The following RYR3 variants were observed in gnomAD, a reference collection of about 807,000 sequenced individuals.
RYR3 encodes the protein brain ryanodine receptor-calcium release channel.
A neutral mutation model predicts 584.3 loss-of-function variants in RYR3; 207 were observed. The ratio of observed to expected loss-of-function variants is 0.35; its 90% CI spans 0.32 to 0.40. The LOEUF (loss-of-function observed/expected upper bound fraction) is 0.40, where lower values mean the gene tolerates loss of function less well. Ranked by LOEUF, RYR3 falls within the 10% of genes least tolerant of loss-of-function variation. RYR3 has a pLI of 1.00. For missense variants in RYR3, 5,616 were observed against 6,089.2 expected (o/e 0.92, Z 2.59); for synonymous variants, 2,416 against 2,248.5 (o/e 1.07, Z -2.11).
At chr15:33,826,369 A>G in intron 83 of RYR3, 100 bp downstream of exon 83, 2 of 1,235,458 alleles carry the variant, frequency 1.6e-6, no homozygotes, top group Non-Finnish European at 2.4e-6. Flanking sequence ...TGGTAGTTGC[A>G]TGTTGAGTTG....
intron 19 of RYR3, among the ~76,000 whole-genome samples, chr15:33,619,066 C>T (rs891150019): frequency 1.3e-5 from 2 of 152,180 alleles, no homozygotes; most frequent in African/African-American, 4.8e-5. Flanking sequence ...CCAGGCAGCT[C>T]TTACTGAAGC....
At chr15:33,652,920 C>G (rs1028127157) in intron 32 of RYR3, 37 bp downstream of exon 32, 23 of 1,573,588 alleles carry the variant, frequency 1.5e-5, no homozygotes, top group Non-Finnish European at 1.6e-5. Flanking sequence ...AGGGCTATCC[C>G]AGGCCTGGTG....
intron 69 of RYR3, among the ~76,000 whole-genome samples, chr15:33,806,758 CTT>C (rs10713428): frequency 3.8e-4 from 54 of 143,120 alleles, no homozygotes; most frequent in Admixed American, 4.2e-4. Context: ...TTCTTTTTTC[CTT>C]TTTTTTTTTT....
At chr15:33,715,089 G>A (rs2067397597) in intron 43 of RYR3, among the ~76,000 whole-genome samples, 1 of 152,186 alleles carries the variant, frequency 6.6e-6, no homozygotes. Flanking sequence ...AGTCCTAAAG[G>A]GAGAGCATAT....
At chr15:33,698,247 A>G (rs2066003298) in intron 40 of RYR3, among the ~76,000 whole-genome samples, 1 of 152,192 alleles carries the variant, frequency 6.6e-6, no homozygotes, top group Admixed American at 6.5e-5. Context: ...TGCTAAGTTT[A>G]CTTCCCGTAT....
chr15:33,689,355 T>G (rs146696522), intron 38 of RYR3, among the ~76,000 whole-genome samples: 1,981 of 152,004 alleles, frequency 0.013, 40 homozygotes, highest in African/African-American at 0.046. Context: ...ATGTACCCTA[T>G]AACTTAAATT....
intron 1 of RYR3, among the ~76,000 whole-genome samples, chr15:33,454,134 G>A (rs1430688671): frequency 1.3e-5 from 2 of 152,180 alleles, no homozygotes; most frequent in Non-Finnish European, 2.9e-5. Flanking sequence ...ACAAAGTTTT[G>A]CGAAGATGCT....
intron 12 of RYR3, among the ~76,000 whole-genome samples, chr15:33,572,671 A>ACG (rs2058091594): frequency 7.3e-6 from 1 of 137,188 alleles, no homozygotes; most frequent in Non-Finnish European, 1.6e-5. Flanking sequence ...ACACACACAC[A>ACG]CACACACACA....
rs2073786159 is a variant in RYR3, at chr15:33,773,684, TTAA to T, written c.9137+71_9137+73del. The T allele has an allele frequency of 2.3e-5, 23 of 1,002,062 alleles. No homozygotes were observed. The South Asian group carries it at 3.2e-4, about 14-fold the overall frequency. 62.1% of individuals were successfully genotyped at this position (1,002,062 alleles called of 1,614,324 possible). A position where few individuals can be genotyped will look rare whatever the true frequency, so the allele number is the denominator to read the frequency against. On this transcript the variant is annotated intron_variant, in intron 64 of 103. Coordinates refer to ENST00000634891, the MANE Select transcript of RYR3 (RefSeq NM_001036.6). The stretch of plus-strand genomic sequence containing the variant: ...ATGTTACTTACAGCCTTTTACACAC[TTAA>T]TGATATCATTTCAATCCAGCAAGAC...
At chr15:33,706,524 A>G (rs1229517765) in intron 42 of RYR3, among the ~76,000 whole-genome samples, 1 of 152,188 alleles carries the variant, frequency 6.6e-6, no homozygotes, top group South Asian at 2.1e-4. Context: ...TCACTTAGCG[A>G]ATGTCCTCAA....
intron 67 of RYR3, among the ~76,000 whole-genome samples, chr15:33,796,283 C>T (rs529352490): frequency 8.5e-5 from 13 of 152,156 alleles, no homozygotes; most frequent in African/African-American, 2.9e-4. Flanking sequence ...TACAGGCATG[C>T]GCCACTACGC....
Position 33,682,694 on chromosome 15 carries a change from T to C in RYR3, c.5860+12138T>C, listed in dbSNP as rs191532800. On this transcript the variant is annotated intron_variant, in intron 38 of 103. Coordinates refer to ENST00000634891, the MANE Select transcript of RYR3 (RefSeq NM_001036.6). Reference sequence around the variant, plus strand: ...ATGTGCCTGGCAACATATTTTTCTTTCTTGTCCCTTTTTGAAAAGAACAGT... The same window carrying C: ...ATGTGCCTGGCAACATATTTTTCTTCCTTGTCCCTTTTTGAAAAGAACAGT... 1.8e-3 allele frequency among the ~76,000 whole-genome samples: 279 copies of C among 152,330 alleles called. 2 individuals carry two copies. The highest frequency in any genetic ancestry group is 6.4e-3 in the African/African-American group (266 of 41,568).
chr15:33,534,614 TAAAG>T (rs967760742), intron 5 of RYR3, among the ~76,000 whole-genome samples: 1 of 152,040 alleles, frequency 6.6e-6, no homozygotes, highest in African/African-American at 2.4e-5. Context: ...AAACCAAAAA[TAAAG>T]AACCGAGGAC....
intron 1 of RYR3, among the ~76,000 whole-genome samples, chr15:33,350,061 G>T (rs1973039800): frequency 6.6e-6 from 1 of 151,960 alleles, no homozygotes; most frequent in East Asian, 1.9e-4. Context: ...ACATACGTGT[G>T]CATGTGTCTT....
At chr15:33,849,777 A>C (rs565070629) in intron 94 of RYR3, 35 of 152,360 alleles carry the variant, frequency 2.3e-4, no homozygotes, top group Admixed American at 2.2e-3. Context: ...GCAAACTGAG[A>C]AGCAGCTCTG....
At position 33,548,171 on chromosome 15, in the gene RYR3, G is replaced by C. The variant is rs746256497; in HGVS notation, c.782G>C (p.Arg261Thr). 1 of 1,612,704 alleles carries C rather than the reference G, an allele frequency of 6.2e-7. No individual in the cohort carries two copies. Residue 261 changes from arginine (R) to threonine (T), a missense_variant, in exon 9 of 104, where the codon AGG becomes ACG. Physicochemically the swap from Arg to Thr is moderately conservative, Grantham distance 71. Transcript: ENST00000634891. ...GCTGGGGGAGCTGGGACTCGAGCCA[G>C]GTCTCTTTGGAGAGTGGAACCCCTT... ...YEAGGAGTRA[R>T]SLWRVEPLRI...
At position 33,669,436 on chromosome 15, in the gene RYR3, A is replaced by G. The variant is rs1214181210; in HGVS notation, c.5702A>G (p.Glu1901Gly). The part of the protein sequence containing the change: ...EIREELYDFH[E>G]DLLLHCGVPL... The stretch of plus-strand genomic sequence containing the variant: ...CGGGAGGAGCTGTATGATTTCCATG[A>G]GGACCTTCTCCTTCACTGTGGTAAG... The change falls in exon 37 of 104, where the codon GAG becomes GGG. Residue 1901 changes from glutamate to glycine, a missense_variant. This residue lies in a region of RYR3 where 1,280 missense variants were observed against 1,426.2 expected (regional missense o/e 0.90). Coordinates refer to ENST00000634891, the MANE Select transcript of RYR3 (RefSeq NM_001036.6). 4 of 1,613,822 alleles carry G rather than the reference A, an allele frequency of 2.5e-6. No homozygotes were observed. The highest frequency in any genetic ancestry group is 3.4e-6 in the Non-Finnish European group (4 of 1,179,860).
chr15:33,857,473 A>C (rs1013703948), intron 98 of RYR3, among the ~76,000 whole-genome samples: 6 of 151,948 alleles, frequency 3.9e-5, no homozygotes, highest in African/African-American at 9.7e-5. Context: ...TCCATCTCCA[A>C]ATACAGTCAC....
At position 33,757,510 on chromosome 15, in the gene RYR3, T is replaced by A; in HGVS notation, c.8619T>A (p.Ser2873Arg). 6.2e-7 allele frequency: 1 copy of A among 1,610,074 alleles called. No individual in the cohort carries two copies. ...CGCTGGTTGACCAGTACTTCACCAG[T>A]CATTGCCTCTACTTCTTGTCATCCC... ...LLPLVDQYFT[S>R]HCLYFLSSPL... Residue 2873 changes from serine to arginine, a missense_variant, in exon 60 of 104, where the codon AGT (serine) becomes AGA (arginine). Around this residue, in one of 9 missense-constraint regions of RYR3, gnomAD observed 1,280 missense variants for 1,426.2 expected, o/e 0.90. Transcript: ENST00000634891.
Sources: gnomAD v4.1 joint callset for allele counts (sites outside exome capture counted in the v4.1 genomes callset) on GRCh38, gnomAD v4.1.1 for gene constraint, gnomAD v4.1.1 regional missense constraint, MANE v1.5 for transcripts, NCBI Gene and HGNC (gene_info 2026-07-23, HGNC 2026-07-21) for gene names.